KATNIP: variants seen among roughly 807,000 people sequenced by gnomAD.
The protein encoded by KATNIP is katanin interacting protein.
KATNIP carries 126 observed loss-of-function variants against 174.0 expected under a neutral mutation model. That is an observed-to-expected ratio of 0.72 (90% CI 0.63 to 0.84). The LOEUF (loss-of-function observed/expected upper bound fraction) is 0.84. Ranked by LOEUF, KATNIP falls within the 40% of genes least tolerant of loss-of-function variation. The probability of loss-of-function intolerance (pLI) is 0.00; values close to 1 mark genes in which losing one functional copy is unlikely to be tolerated. For synonymous variants in KATNIP, 810 were observed against 835.7 expected (o/e 0.97, Z 0.53); for missense variants, 1,958 against 2,109.7 (o/e 0.93, Z 1.41).
chr16:27,616,242 C>T (rs2076032241), intron 2 of KATNIP, among the ~76,000 whole-genome samples: 1 of 151,892 alleles, frequency 6.6e-6, no homozygotes, highest in African/African-American at 2.4e-5. Flanking sequence ...TGTGGTGGCA[C>T]AAACCTGTGA....
chr16:27,642,034 T>C (rs2076816634), intron 5 of KATNIP, among the ~76,000 whole-genome samples: 1 of 152,098 alleles, frequency 6.6e-6, no homozygotes, highest in Non-Finnish European at 1.5e-5. Flanking sequence ...GTAAATTGAG[T>C]AGTTTCTGGG....
intron 14 of KATNIP, among the ~76,000 whole-genome samples, chr16:27,738,903 G>A (rs2080999059): frequency 6.6e-6 from 1 of 152,154 alleles, no homozygotes; most frequent in Non-Finnish European, 1.5e-5. Context: ...GGGCATCAGT[G>A]CCCTGAGGGC....
chr16:27,676,097 T>G (rs1207082195), intron 6 of KATNIP, among the ~76,000 whole-genome samples: 1 of 152,218 alleles, frequency 6.6e-6, no homozygotes, highest in African/African-American at 2.4e-5. Context: ...CCTGGTTCCC[T>G]TTTCCTTAAC....
intron 5 of KATNIP, among the ~76,000 whole-genome samples, chr16:27,641,371 C>T (rs1026343137): frequency 3.3e-5 from 5 of 152,140 alleles, no homozygotes; most frequent in Non-Finnish European, 5.9e-5. Flanking sequence ...CAGCTGCCCA[C>T]TTAGGTTCCG....
rs938399110 is a variant in KATNIP, at chr16:27,619,449, C to T, written c.140+948C>T. On this transcript the variant is annotated intron_variant, in intron 3 of 27. Coordinates refer to ENST00000261588, the MANE Select transcript of KATNIP (RefSeq NM_015202.5). ...GAAGGGGAAGAAAGGGGAATGGGTA[C>T]GAATGTGGGCCTCTGTGTTATCGGA... Among the ~76,000 whole-genome samples the T allele has an allele frequency of 6.6e-5, 10 of 152,160 alleles. No homozygotes were observed. The East Asian group carries it at 1.3e-3, about 20-fold the overall frequency.
At chr16:27,743,274 G>C (rs1217786604) in intron 15 of KATNIP, among the ~76,000 whole-genome samples, 1 of 152,060 alleles carries the variant, frequency 6.6e-6, no homozygotes, top group Non-Finnish European at 1.5e-5. Flanking sequence ...GGGTATTTGG[G>C]TTAATTACAT....
In KATNIP at chr16:27,742,402, G is replaced by A. The variant is rs371930161; in HGVS notation, c.2623+1482G>A. Among the ~76,000 whole-genome samples the A allele has an allele frequency of 4.3e-4, 66 of 152,276 alleles. No individual in the cohort carries two copies. The Middle Eastern group carries it at 0.01, about 24-fold the overall frequency. ...TGAGCCTGTGACATGATGAGTGCTCGGTGAGTAGTAGTCGTTATTTCACCA... is the reference window on the plus strand; with the variant it reads ...TGAGCCTGTGACATGATGAGTGCTCAGTGAGTAGTAGTCGTTATTTCACCA... On this transcript the variant is annotated intron_variant, in intron 15 of 27. Transcript: ENST00000261588.
chr16:27,623,206 G>C (rs2076243762), intron 3 of KATNIP, among the ~76,000 whole-genome samples: 1 of 152,170 alleles, frequency 6.6e-6, no homozygotes. Context: ...GCAAGAAACA[G>C]CAGGAAGGAG....
chr16:27,662,041 T>C (rs8055083), intron 6 of KATNIP, among the ~76,000 whole-genome samples: 662 of 21,384 alleles, frequency 0.031, 238 homozygotes, highest in Middle Eastern at 0.059. Context: ...TATATATATA[T>C]ACACATACAT....
At chr16:27,557,578 C>T (rs1239233292) in intron 1 of KATNIP, among the ~76,000 whole-genome samples, 5 of 151,960 alleles carry the variant, frequency 3.3e-5, no homozygotes, top group Non-Finnish European at 5.9e-5. Flanking sequence ...CAGGTGTGTG[C>T]CACCATGCCC....
intron 6 of KATNIP, among the ~76,000 whole-genome samples, chr16:27,673,076 C>T (rs1358846693): frequency 6.6e-6 from 1 of 152,166 alleles, no homozygotes; most frequent in Non-Finnish European, 1.5e-5. Flanking sequence ...CTCACCCAGC[C>T]TTTCCCCCAC....
chr16:27,715,821 G>A (rs1327620726), intron 13 of KATNIP, among the ~76,000 whole-genome samples: 1 of 152,136 alleles, frequency 6.6e-6, no homozygotes, highest in South Asian at 2.1e-4. Context: ...GGAGAAATTG[G>A]AACCTTCATT....
At chr16:27,712,859 G>A (rs922697430) in intron 13 of KATNIP, among the ~76,000 whole-genome samples, 8 of 152,106 alleles carry the variant, frequency 5.3e-5, no homozygotes, top group African/African-American at 1.4e-4. Context: ...AGGCTGGAGA[G>A]CAGTGGTGCA....
At chr16:27,701,830 T>C in intron 11 of KATNIP, 135 bp downstream of exon 11, 1 of 649,188 alleles carries the variant, frequency 1.5e-6, no homozygotes, top group Non-Finnish European at 2.7e-6. Context: ...AATCTTGCTC[T>C]GTTGCCCAGG....
intron 8 of KATNIP, among the ~76,000 whole-genome samples, chr16:27,695,322 C>T (rs562447844): frequency 6.6e-6 from 1 of 152,366 alleles, no homozygotes; most frequent in South Asian, 2.1e-4. Context: ...CTGCAAGGCC[C>T]TGCATGACCT....
At position 27,628,751 on chromosome 16, in the gene KATNIP, T is replaced by C. The variant is rs1567227035; in HGVS notation, c.231T>C (p.Asn77=). Residue 77 remains asparagine, a synonymous_variant, in exon 4 of 28, where the codon AAT becomes AAC. Transcript: ENST00000261588. The part of the protein sequence containing the change: ...QGFSVYVNGA[N]SELKSSPRKA... ...TCTCTGTCTATGTCAACGGTGCCAA[T>C]TCGGAGCTGAAATCATCACCGCGGA... The C allele has an allele frequency of 6.2e-7, 1 of 1,614,212 alleles. No individual in the cohort carries two copies. Among genetic ancestry groups the C allele is most frequent in the East Asian group, 2.2e-5 (1 of 44,888 alleles).
chr16:27,757,433 G>A (rs966184462), intron 18 of KATNIP: 3 of 918,170 alleles, frequency 3.3e-6, no homozygotes, highest in Non-Finnish European at 3.9e-6. Context: ...CAGAAGGAAG[G>A]CAGGAATGCT....
intron 14 of KATNIP, among the ~76,000 whole-genome samples, chr16:27,724,427 GGCCA>G (rs2080362172): frequency 6.6e-6 from 1 of 152,188 alleles, no homozygotes; most frequent in East Asian, 1.9e-4. Flanking sequence ...CATCCCTTTT[GGCCA>G]GGGCCTGCCT....
At chr16:27,649,935 G>A (rs983875458) in intron 6 of KATNIP, among the ~76,000 whole-genome samples, 1 of 152,162 alleles carries the variant, frequency 6.6e-6, no homozygotes, top group African/African-American at 2.4e-5. Context: ...TAGCACTTTG[G>A]GAGGCCAAGG....
Sources: allele counts gnomAD v4.1 joint callset (sites outside exome capture counted in the v4.1 genomes callset), GRCh38; gene constraint gnomAD v4.1.1; transcripts MANE v1.5; gene names NCBI Gene and HGNC (gene_info 2026-07-23, HGNC 2026-07-21).